MYLK: variants seen among roughly 807,000 people sequenced by gnomAD.
The protein encoded by MYLK is myosin light chain kinase, smooth muscle.
A neutral mutation model predicts 203.4 loss-of-function variants in MYLK; 106 were observed. That is an observed-to-expected ratio of 0.52 (90% CI 0.45 to 0.61). MYLK has a LOEUF of 0.61. Among genes scored for constraint, MYLK ranks in the 20% least tolerant of loss-of-function variants. The pLI, the probability that MYLK is intolerant of heterozygous loss-of-function variation, is 0.00. For missense variants in MYLK, 2,072 were observed against 2,442.3 expected (o/e 0.85, Z 3.20); for synonymous variants, 867 against 959.5 (o/e 0.90, Z 1.78).
chr3:123,657,282 A>T lies in MYLK; in HGVS notation c.4132T>A (p.Trp1378Arg). The T allele has an allele frequency of 6.2e-7, 1 of 1,613,974 alleles. No homozygotes were observed. The highest frequency in any genetic ancestry group is 8.5e-7 in the Non-Finnish European group (1 of 1,180,014). ...IEIWDSANKT[W>R]KELATCRSTS... is the part of the protein sequence containing the mutation. ...CTGCGGCATGTGGCTAGTTCCTTCC[A>T]CGTCTTGTTGGCTGAGTCCCAGATC... Residue 1378 changes from tryptophan (W) to arginine (R), a missense_variant, in exon 24 of 34, where the codon TGG (tryptophan) becomes AGG (arginine). By Grantham distance (101) the Trp-to-Arg change is moderately radical. Around this residue, in one of 3 missense-constraint regions of MYLK, gnomAD observed 524 missense variants for 782.4 expected, o/e 0.67. Transcript: ENST00000360304.
intron 27 of MYLK, among the ~76,000 whole-genome samples, chr3:123,643,435 A>C (rs2058903071): frequency 6.6e-6 from 1 of 152,220 alleles, no homozygotes; most frequent in South Asian, 2.1e-4. Flanking sequence ...TTCTGGAGGA[A>C]ACCTATTCAA....
intron 2 of MYLK, among the ~76,000 whole-genome samples, chr3:123,854,082 G>T (rs986570155): frequency 6.6e-6 from 1 of 150,758 alleles, no homozygotes; most frequent in African/African-American, 2.4e-5. Flanking sequence ...AGACATCCAA[G>T]GATCAGACAG....
rs1422493925 is a variant in MYLK, at chr3:123,700,225, A to T, written c.3243T>A (p.His1081Gln). 3 of 1,613,600 alleles carry T rather than the reference A, an allele frequency of 1.9e-6. No individual in the cohort carries two copies. In the East Asian group the frequency reaches 6.7e-5, roughly 36 times the overall value. ...VKNDVNCKRG[H>Q]AGTTDNEKRS... is the part of the protein sequence containing the mutation. Reference sequence around the variant, plus strand: ...TCTTTTCATTATCTGTGGTCCCTGCATGGCCTCTCTTGCAGTTCACATCAT... The same window carrying T: ...TCTTTTCATTATCTGTGGTCCCTGCTTGGCCTCTCTTGCAGTTCACATCAT... Residue 1081 changes from histidine (H) to glutamine (Q), a missense_variant, in exon 18 of 34, where the codon CAT (histidine) becomes CAA (glutamine). Physicochemically the swap from His to Gln is conservative, Grantham distance 24. Around this residue, in one of 3 missense-constraint regions of MYLK, gnomAD observed 865 missense variants for 1,016.0 expected, o/e 0.85. Transcript: ENST00000360304.
chr3:123,635,730 GACCCAATTATTCTAGTTCTAGATTAT>G (rs1327041088), intron 29 of MYLK, among the ~76,000 whole-genome samples: 2 of 152,104 alleles, frequency 1.3e-5, no homozygotes, highest in Non-Finnish European at 2.9e-5. Flanking sequence ...AGTGCCCTAT[GACCCAATTATTCTAGTTCTAGATTAT>G]ATATCCAACA....
intron 4 of MYLK, among the ~76,000 whole-genome samples, chr3:123,772,409 TC>T (rs938273152): frequency 3.9e-5 from 6 of 151,902 alleles, no homozygotes; most frequent in Non-Finnish European, 8.8e-5. Flanking sequence ...TTGAAAAAAA[TC>T]CTATTCAAGA....
chr3:123,711,263 AT>A (rs1225218759), intron 13 of MYLK, among the ~76,000 whole-genome samples: 3 of 152,146 alleles, frequency 2.0e-5, no homozygotes, highest in African/African-American at 7.2e-5. Flanking sequence ...GACAATGAGA[AT>A]TTCACTTTTA....
chr3:123,705,722 T>G (rs2061436305), intron 16 of MYLK, among the ~76,000 whole-genome samples: 1 of 152,134 alleles, frequency 6.6e-6, no homozygotes, highest in South Asian at 2.1e-4. Context: ...GCCCTTTGCT[T>G]GGCTCTGCCC....
chr3:123,771,935 A>G (rs1455533734), intron 4 of MYLK, among the ~76,000 whole-genome samples: 4 of 152,180 alleles, frequency 2.6e-5, no homozygotes, highest in Admixed American at 1.3e-4. Context: ...TTTTGCATAA[A>G]GTTGAAAATG....
chr3:123,737,540 T>G lies in MYLK; in HGVS notation c.592A>C (p.Asn198His), dbSNP rs1161613379. The part of the protein sequence containing the change: ...PQPQVTWLKG[N>H]VPLQPSARVS... Reference sequence around the variant, plus strand: ...CGGGCACTCGGCTGCAGTGGAACATTTCCCTGTGGATGGCAATGGGGTAAC... The same window carrying G: ...CGGGCACTCGGCTGCAGTGGAACATGTCCCTGTGGATGGCAATGGGGTAAC... The change falls in exon 8 of 34, where the codon AAT becomes CAT. Residue 198 changes from asparagine to histidine, a missense_variant. Physicochemically the swap from Asn to His is moderately conservative, Grantham distance 68 (BLOSUM62 1). Transcript: ENST00000360304. 3 of 1,614,168 alleles carry G rather than the reference T, an allele frequency of 1.9e-6. No individual in the cohort carries two copies. The South Asian group carries it at 3.3e-5, about 18-fold the overall frequency.
chr3:123,818,932 C>T (rs1427430520), intron 3 of MYLK, among the ~76,000 whole-genome samples: 21 of 152,156 alleles, frequency 1.4e-4, no homozygotes, highest in Admixed American at 1.3e-3. Flanking sequence ...GTACATAATA[C>T]ATACACAAGT....
intron 11 of MYLK, among the ~76,000 whole-genome samples, chr3:123,731,651 T>C (rs2062479766): frequency 6.6e-6 from 1 of 152,212 alleles, no homozygotes; most frequent in African/African-American, 2.4e-5. Flanking sequence ...AACTTTCATT[T>C]ATATCAATAT....
intron 4 of MYLK, among the ~76,000 whole-genome samples, chr3:123,766,441 G>A (rs114683558): frequency 2.8e-4 from 43 of 152,378 alleles, no homozygotes; most frequent in African/African-American, 1.0e-3. Flanking sequence ...AGGAGGGTGA[G>A]GGCTCCACAG....
chr3:123,828,944 CA>C (rs1177838943), intron 3 of MYLK, among the ~76,000 whole-genome samples: 1 of 151,704 alleles, frequency 6.6e-6, no homozygotes, highest in Non-Finnish European at 1.5e-5. Context: ...AAAAGACAAA[CA>C]ACAAATGCTG....
intron 4 of MYLK, among the ~76,000 whole-genome samples, chr3:123,760,624 CT>C (rs2108925102): frequency 6.6e-6 from 1 of 152,258 alleles, no homozygotes; most frequent in South Asian, 2.1e-4. Flanking sequence ...ACTCCCAGCT[CT>C]GTTAATGGCA....
intron 4 of MYLK, among the ~76,000 whole-genome samples, chr3:123,785,385 T>C (rs1440642662): frequency 6.6e-6 from 1 of 152,194 alleles, no homozygotes; most frequent in Admixed American, 6.5e-5. Flanking sequence ...CTGCTTTCCC[T>C]TTGAGTACTT....
At chr3:123,851,427 TG>T (rs746072303) in intron 2 of MYLK, among the ~76,000 whole-genome samples, 6 of 152,226 alleles carry the variant, frequency 3.9e-5, no homozygotes, top group Non-Finnish European at 8.8e-5. Context: ...CGTTGAGCAG[TG>T]GTTTGTAGTT....
intron 4 of MYLK, among the ~76,000 whole-genome samples, chr3:123,773,058 T>C (rs2063938906): frequency 6.6e-6 from 1 of 152,048 alleles, no homozygotes; most frequent in African/African-American, 2.4e-5. Context: ...TCCATGAAGA[T>C]GTTTATGTTT....
chr3:123,842,815 C>T (rs2066626070), intron 2 of MYLK, among the ~76,000 whole-genome samples: 1 of 152,208 alleles, frequency 6.6e-6, no homozygotes, highest in Non-Finnish European at 1.5e-5. Context: ...CATTAATGAA[C>T]AAAGCAAAAT....
chr3:123,736,343 G>C (rs1053727275), intron 8 of MYLK, among the ~76,000 whole-genome samples: 1 of 152,134 alleles, frequency 6.6e-6, no homozygotes, highest in East Asian at 1.9e-4. Context: ...AAGATGAATC[G>C]TTTCTAAGAA....
Sources: gnomAD v4.1 joint callset for allele counts (sites outside exome capture counted in the v4.1 genomes callset) on GRCh38, gnomAD v4.1.1 for gene constraint, gnomAD v4.1.1 regional missense constraint, MANE v1.5 for transcripts, NCBI Gene and HGNC (gene_info 2026-07-23, HGNC 2026-07-21) for gene names.